Variants in CYP39A1 observed in about 807,000 individuals in gnomAD.
CYP39A1 encodes the protein 24-hydroxycholesterol 7-alpha-hydroxylase.
In CYP39A1, 49 loss-of-function variants were observed where a neutral mutation model predicts 58.1. That is an observed-to-expected ratio of 0.84 (90% CI 0.67 to 1.07). The LOEUF (loss-of-function observed/expected upper bound fraction) is 1.07, where lower values mean the gene tolerates loss of function less well. CYP39A1 is among the 50% of genes least tolerant of loss of function. The pLI, the probability that CYP39A1 is intolerant of heterozygous loss-of-function variation, is 0.00. For missense variants in CYP39A1, 531 were observed against 539.4 expected, an observed-to-expected ratio of 0.98 and a Z score of 0.16; for synonymous variants, 209 against 187.6, an observed-to-expected ratio of 1.11 and a Z score of -0.93.
At chr6:46,585,145 C>T (rs894980652) in intron 10 of CYP39A1, among the ~76,000 whole-genome samples, 59 of 152,072 alleles carry the variant, frequency 3.9e-4, no homozygotes, top group Non-Finnish European at 8.1e-4. Context: ...TGTCTGTTAG[C>T]CTCAAATGTC....
intron 7 of CYP39A1, among the ~76,000 whole-genome samples, chr6:46,600,690 C>T (rs1191959487): frequency 1.3e-5 from 2 of 152,104 alleles, no homozygotes; most frequent in South Asian, 2.1e-4. Flanking sequence ...ATGCATGTGC[C>T]GGAGGGTAAC....
In CYP39A1 at chr6:46,602,076, G is replaced by A. The variant is rs566589493; in HGVS notation, c.932-5956C>T. On this transcript the variant is annotated intron_variant, in intron 7 of 11. Transcript: ENST00000275016. ...CAGAATCTTGTTAGATCTGTTCTTCGATGTATATCCAGTATCTAACACAGT... is the reference window on the plus strand; with the variant it reads ...CAGAATCTTGTTAGATCTGTTCTTCAATGTATATCCAGTATCTAACACAGT... 5.9e-5 allele frequency among the ~76,000 whole-genome samples: 9 copies of A among 152,136 alleles called. No individual in the cohort carries two copies. In the East Asian group the frequency reaches 9.7e-4, roughly 16 times the overall value.
rs376995914 is a variant in CYP39A1, at chr6:46,652,188, G to A, written c.177+218C>T. Reference sequence around the variant, plus strand: ...GTTAATCTCTACTTCCAAAAATGTCGATGCACGCTGCAATTGTATTTCATT... The same window carrying A: ...GTTAATCTCTACTTCCAAAAATGTCAATGCACGCTGCAATTGTATTTCATT... On this transcript the variant is annotated intron_variant, in intron 1 of 11. Transcript: ENST00000275016. 1.1e-4 allele frequency among the ~76,000 whole-genome samples: 17 copies of A among 152,202 alleles called. No individual in the cohort carries two copies. The East Asian group carries it at 3.3e-3, about 29-fold the overall frequency.
chr6:46,588,668 T>C (rs532217770), intron 8 of CYP39A1, among the ~76,000 whole-genome samples: 1 of 152,202 alleles, frequency 6.6e-6, no homozygotes, highest in South Asian at 2.1e-4. Context: ...GCAGGGGCAG[T>C]GGACTTTTCT....
At chr6:46,638,104 G>A in intron 3 of CYP39A1, 126 bp from the exon 4 acceptor site, 1 of 930,610 alleles carries the variant, frequency 1.1e-6, no homozygotes, top group Non-Finnish European at 1.5e-6. Flanking sequence ...GATTCTCTTG[G>A]GAAAAAGTCA....
chr6:46,581,834 T>A (rs1380205648), intron 10 of CYP39A1, among the ~76,000 whole-genome samples: 1 of 152,234 alleles, frequency 6.6e-6, no homozygotes, highest in East Asian at 1.9e-4. Context: ...TCTGTTCTTC[T>A]GTTCTTGACA....
intron 1 of CYP39A1, among the ~76,000 whole-genome samples, chr6:46,645,008 T>C (rs921849364): frequency 6.6e-6 from 1 of 152,220 alleles, no homozygotes; most frequent in South Asian, 2.1e-4. Context: ...TTGTTGAGTG[T>C]TGACAGTTCT....
intron 10 of CYP39A1, among the ~76,000 whole-genome samples, chr6:46,569,697 C>T (rs1476887074): frequency 1.3e-5 from 2 of 152,034 alleles, no homozygotes; most frequent in Non-Finnish European, 2.9e-5. Flanking sequence ...GGTTGGACCA[C>T]CCTTGCATCC....
At chr6:46,567,384 G>T (rs948648079) in intron 10 of CYP39A1, among the ~76,000 whole-genome samples, 1 of 151,952 alleles carries the variant, frequency 6.6e-6, no homozygotes, top group Non-Finnish European at 1.5e-5. Context: ...TCAACACTTT[G>T]GTTGTTTTAA....
chr6:46,638,206 G>A (rs750861477), intron 3 of CYP39A1, among the ~76,000 whole-genome samples: 39 of 152,192 alleles, frequency 2.6e-4, no homozygotes, highest in African/African-American at 8.7e-4. Flanking sequence ...ATATTTAAAT[G>A]CTTTCTAAAC....
intron 7 of CYP39A1, among the ~76,000 whole-genome samples, chr6:46,598,247 AC>A (rs1773288308): frequency 6.6e-6 from 1 of 152,194 alleles, no homozygotes; most frequent in African/African-American, 2.4e-5. Flanking sequence ...ACTTTTTGTA[AC>A]ATGGAATCTG....
intron 3 of CYP39A1, among the ~76,000 whole-genome samples, chr6:46,638,973 G>A (rs1341684573): frequency 6.6e-6 from 1 of 152,146 alleles, no homozygotes; most frequent in Non-Finnish European, 1.5e-5. Flanking sequence ...TCCCTTAATA[G>A]AGGACCCTGG....
rs1490656493 is a variant in CYP39A1, at chr6:46,642,261, C to T, written c.215G>A (p.Arg72Gln). ...TTCTTCTTCAGTAACAAAGGTCATT[C>T]GGTTTCCCATAGCAAAGACTGTAAA... is the stretch of plus-strand genomic sequence containing the variant. ...PIFTVFAMGN[R>Q]MTFVTEEEGI... The change falls in exon 2 of 12, where the codon CGA (arginine) becomes CAA (glutamine). Residue 72 changes from arginine (R) to glutamine (Q), a missense_variant. Coordinates refer to ENST00000275016, the MANE Select transcript of CYP39A1 (RefSeq NM_016593.5). 6.8e-6 allele frequency: 11 copies of T among 1,612,654 alleles called. No homozygotes were observed. The highest frequency in any genetic ancestry group is 1.7e-5 in the Admixed American group (1 of 59,894).
At chr6:46,624,311 T>C (rs989879666) in intron 7 of CYP39A1, among the ~76,000 whole-genome samples, 3 of 152,192 alleles carry the variant, frequency 2.0e-5, no homozygotes, top group Non-Finnish European at 4.4e-5. Flanking sequence ...TTTGTAGACA[T>C]GTGGGCATGT....
chr6:46,595,271 T>C (rs994671545), intron 8 of CYP39A1, among the ~76,000 whole-genome samples: 3 of 151,892 alleles, frequency 2.0e-5, no homozygotes, highest in African/African-American at 4.8e-5. Flanking sequence ...AAATTAAAAA[T>C]AGAACTACTA....
chr6:46,648,039 T>C (rs1048330454), intron 1 of CYP39A1, among the ~76,000 whole-genome samples: 1 of 152,084 alleles, frequency 6.6e-6, no homozygotes, highest in Non-Finnish European at 1.5e-5. Flanking sequence ...TGTGGAGAAA[T>C]AGGAACACTT....
intron 7 of CYP39A1, among the ~76,000 whole-genome samples, chr6:46,615,734 TAAA>T (rs201723641): frequency 7.2e-6 from 1 of 139,564 alleles, no homozygotes; most frequent in Admixed American, 7.0e-5. Flanking sequence ...TCCTCTGGAA[TAAA>T]AAAAAAAAAG....
chr6:46,558,128 T>C (rs936518662), intron 10 of CYP39A1, among the ~76,000 whole-genome samples: 1 of 151,992 alleles, frequency 6.6e-6, no homozygotes, highest in Non-Finnish European at 1.5e-5. Context: ...CCAAAGGACT[T>C]ACAATGTGTT....
rs764061815 is a variant in CYP39A1, at chr6:46,550,399, C to T, written c.1377G>A (p.Gly459=). 6.2e-7 allele frequency: 1 copy of T among 1,612,340 alleles called. No individual in the cohort carries two copies. The highest frequency in any genetic ancestry group is 1.7e-5 in the Admixed American group (1 of 59,720). ...TTTGTTTATATTCAATTCGGCATTGCCCTTCCGGCTGGGGGACACCCACCA... is the reference window on the plus strand; with the variant it reads ...TTTGTTTATATTCAATTCGGCATTGTCCTTCCGGCTGGGGGACACCCACCA... The part of the protein sequence containing the change: ...LHLVGVPQPE[G]QCRIEYKQRI Residue 459 remains glycine, a synonymous_variant, in exon 12 of 12, where the codon GGG becomes GGA. Coordinates refer to ENST00000275016, the MANE Select transcript of CYP39A1 (RefSeq NM_016593.5).
Sources: allele counts gnomAD v4.1 joint callset (sites outside exome capture counted in the v4.1 genomes callset), GRCh38; gene constraint gnomAD v4.1.1; transcripts MANE v1.5; gene names NCBI Gene and HGNC (gene_info 2026-07-23, HGNC 2026-07-21).